Variants in RFX1 observed in about 807,000 individuals in gnomAD.
RFX1 encodes the protein MHC class II regulatory factor RFX1.
RFX1 carries 42 observed loss-of-function variants against 119.6 expected under a neutral mutation model. The observed-to-expected ratio is 0.35, with a 90% CI of 0.27 to 0.45. The LOEUF (loss-of-function observed/expected upper bound fraction) is 0.45. RFX1 is among the 20% of genes least tolerant of loss of function. The pLI, the probability that RFX1 is intolerant of heterozygous loss-of-function variation, is 1.00. For missense variants in RFX1, 1,118 were observed against 1,368.1 expected, an observed-to-expected ratio of 0.82 and a Z score of 2.88; for synonymous variants, 628 against 618.5, an observed-to-expected ratio of 1.02 and a Z score of -0.23.
Position 13,990,274 on chromosome 19 carries a change from G to A in RFX1, c.319+3251C>T, listed in dbSNP as rs529655577. On this transcript the variant is annotated intron_variant, in intron 2 of 20. Coordinates refer to ENST00000254325, the MANE Select transcript of RFX1 (RefSeq NM_002918.5). This position sits in a 1 kb window ranked among gnomAD's most constrained non-coding sequence, Gnocchi z 4.1. ...GCAGAGAGGACCACGGAGGGGCTGC[G>A]GGCGGTGGGCGGAGACCAGGGCAGT... is the stretch of plus-strand genomic sequence containing the variant. Among the ~76,000 whole-genome samples the A allele has an allele frequency of 6.3e-4, 96 of 152,248 alleles. No individual in the cohort carries two copies. The highest frequency in any genetic ancestry group is 9.4e-4 in the Non-Finnish European group (64 of 68,024).
chr19:13,993,161 G>A (rs536328392), intron 2 of RFX1, among the ~76,000 whole-genome samples: 1 of 152,214 alleles, frequency 6.6e-6, no homozygotes, highest in South Asian at 2.1e-4. Flanking sequence ...CAGGCATGGT[G>A]GTGGGCACCT....
chr19:14,006,450 C>A (rs1210324521), upstream of RFX1: 1 of 152,218 alleles, frequency 6.6e-6, no homozygotes, highest in Non-Finnish European at 1.5e-5. Context: ...CTTTTCAACA[C>A]CCTCTGGACT....
chr19:13,987,595 C>T lies in RFX1; in HGVS notation c.320-4000G>A, dbSNP rs182420901. On this transcript the variant is annotated intron_variant, in intron 2 of 20. Coordinates refer to ENST00000254325, the MANE Select transcript of RFX1 (RefSeq NM_002918.5). ...CCGGCCACCCTTAGATGAGGAAGGA[C>T]GCTAACCTGGCAGAGGGTCAGGGAG... Among the ~76,000 whole-genome samples, 20 of 152,182 alleles carry T rather than the reference C, an allele frequency of 1.3e-4. No individual in the cohort carries two copies. The East Asian group carries it at 2.9e-3, about 22-fold the overall frequency.
intron 5 of RFX1, among the ~76,000 whole-genome samples, chr19:13,981,660 A>G (rs1974433616): frequency 6.6e-6 from 1 of 152,216 alleles, no homozygotes; most frequent in Non-Finnish European, 1.5e-5. Context: ...TGGCTGGGCC[A>G]GCCATCTGAC....
chr19:13,977,439 T>C (rs904015069), intron 8 of RFX1, among the ~76,000 whole-genome samples: 2 of 151,690 alleles, frequency 1.3e-5, no homozygotes, highest in Admixed American at 1.3e-4. Flanking sequence ...TTTTTTGAGA[T>C]GGAGTGTCAC....
In RFX1 at chr19:13,966,722, C is replaced by G; in HGVS notation, c.1762G>C (p.Glu588Gln). 6.2e-7 allele frequency: 1 copy of G among 1,610,776 alleles called. No individual in the cohort carries two copies. Residue 588 changes from glutamate (E) to glutamine (Q), a missense_variant, in exon 13 of 21, where the codon GAG becomes CAG. By Grantham distance (29) the Glu-to-Gln change is conservative. This residue lies in a region of RFX1 where 338 missense variants were observed against 508.9 expected (regional missense o/e 0.66). Transcript: ENST00000254325. The surrounding 1 kb of genome is among the most constrained non-coding windows in gnomAD (Gnocchi z 6.3). ...DASRSLPDFT[E>Q]LDLQGKVLPE... ...AGCACCTTGCCCTGGAGGTCGAGCT[C>G]TGTGAAGTCAGGGAGGCTCCGAGAG... is the stretch of plus-strand genomic sequence containing the variant.
At position 13,985,838 on chromosome 19, in the gene RFX1, G is replaced by GC. The variant is rs1490206563; in HGVS notation, c.320-2244dup. On this transcript the variant is annotated intron_variant, in intron 2 of 20. Transcript: ENST00000254325. This position sits in a 1 kb window ranked among gnomAD's most constrained non-coding sequence, Gnocchi z 4.3. ...AGGGCTATTCAGGGCAGATGCAAAG[G>GC]CCAAGTCAAGGGCAGAGCGCAGGAG... Among the ~76,000 whole-genome samples the GC allele has an allele frequency of 2.6e-5, 4 of 152,174 alleles. No individual in the cohort carries two copies. Among genetic ancestry groups the GC allele is most frequent in the Non-Finnish European group, 4.4e-5 (3 of 68,034 alleles).
At chr19:13,973,756 A>G (rs1228311601) in intron 8 of RFX1, among the ~76,000 whole-genome samples, 1 of 152,100 alleles carries the variant, frequency 6.6e-6, no homozygotes, top group Non-Finnish European at 1.5e-5. Flanking sequence ...TCAGCCTCCC[A>G]AGGAGCTGGG....
In RFX1 at chr19:13,986,009, G is replaced by C. The variant is rs1462783916; in HGVS notation, c.320-2414C>G. Among the ~76,000 whole-genome samples, 1 of 152,198 alleles carries C rather than the reference G, an allele frequency of 6.6e-6. No homozygotes were observed. The highest frequency in any genetic ancestry group is 2.4e-5 in the African/African-American group (1 of 41,444). ...GCCAATTCCACAGGCCCTAATCCCT[G>C]TGTTTTGCTGGAATCTTCCCTGGCA... On this transcript the variant is annotated intron_variant, in intron 2 of 20. Coordinates refer to ENST00000254325, the MANE Select transcript of RFX1 (RefSeq NM_002918.5). The surrounding 1 kb of genome is among the most constrained non-coding windows in gnomAD (Gnocchi z 4.2).
At chr19:13,999,838 GC>G (rs1049292246) in intron 1 of RFX1, among the ~76,000 whole-genome samples, 1 of 152,068 alleles carries the variant, frequency 6.6e-6, no homozygotes, top group African/African-American at 2.4e-5. Flanking sequence ...ACCATGCCTG[GC>G]TAGCTTTTGT....
At chr19:13,994,923 T>A (rs10419019) in intron 1 of RFX1, among the ~76,000 whole-genome samples, 1 of 120,762 alleles carries the variant, frequency 8.3e-6, no homozygotes, top group African/African-American at 3.5e-5. Flanking sequence ...TATATATATA[T>A]ATATATATAT....
chr19:13,975,272 G>T (rs554360791), intron 8 of RFX1, among the ~76,000 whole-genome samples: 1 of 151,582 alleles, frequency 6.6e-6, no homozygotes, highest in Non-Finnish European at 1.5e-5. Context: ...CAGGAGAATC[G>T]CAGGAGAACC....
In RFX1 at chr19:13,963,066, T is replaced by G. The variant is rs765093401; in HGVS notation, c.2725-27A>C. 3.8e-6 allele frequency: 6 copies of G among 1,589,928 alleles called. No homozygotes were observed. In the African/African-American group the frequency reaches 8.1e-5, roughly 21 times the overall value. On this transcript the variant is annotated intron_variant, in intron 19 of 20. Transcript: ENST00000254325. ...TGGAGGAAGAAGAGAAGAAAATGGG[T>G]GAGGGTCCCGCCGCCTGGCGCCCCG...
rs577198126 is a variant in RFX1 at position 13,980,156 on chromosome 19, T to C, written c.738+417A>G. On this transcript the variant is annotated intron_variant, in intron 6 of 20. Coordinates refer to ENST00000254325, the MANE Select transcript of RFX1 (RefSeq NM_002918.5). This position sits in a 1 kb window ranked among gnomAD's most constrained non-coding sequence, Gnocchi z 5.1. ...CAGATGGTGCGCAGCCCCAGCATCT[T>C]AACCTGCGCCGGCTCAGGGCTCTGC... Among the ~76,000 whole-genome samples the C allele has an allele frequency of 6.6e-6, 1 of 152,256 alleles. No individual in the cohort carries two copies. Among genetic ancestry groups the C allele is most frequent in the South Asian group, 2.1e-4 (1 of 4,828 alleles).
At position 13,963,531 on chromosome 19, in the gene RFX1, C is replaced by T. The variant is rs1219538281; in HGVS notation, c.2570+7G>A. On this transcript the variant is annotated splice_region_variant and intron_variant, in intron 18 of 20. Coordinates refer to ENST00000254325, the MANE Select transcript of RFX1 (RefSeq NM_002918.5). ...GCCGCCCGGACCCGATCCCGCCGCGCGCGCACCTGTAGAAGGACCACTTGA... is the reference window on the plus strand; with the variant it reads ...GCCGCCCGGACCCGATCCCGCCGCGTGCGCACCTGTAGAAGGACCACTTGA... The T allele has an allele frequency of 1.2e-6, 2 of 1,601,572 alleles. No homozygotes were observed. The highest frequency in any genetic ancestry group is 1.7e-6 in the Non-Finnish European group (2 of 1,178,276).
In RFX1 at chr19:13,963,119, C is replaced by T; in HGVS notation, c.2724+3G>A. 6.2e-7 allele frequency: 1 copy of T among 1,610,854 alleles called. No individual in the cohort carries two copies. The highest frequency in any genetic ancestry group is 2.2e-5 in the East Asian group (1 of 44,728). ...CGCGCCCCCAGTGGCCCGCCTCGCG[C>T]ACCTCGCCCATGACGGCGATGGGGG... On this transcript the variant is annotated splice_donor_region_variant and intron_variant, in intron 19 of 20. Transcript: ENST00000254325.
chr19:13,973,218 G>A (rs1279803909), intron 8 of RFX1, 91 bp from the exon 9 acceptor site: 13 of 868,818 alleles, frequency 1.5e-5, no homozygotes, highest in Non-Finnish European at 2.0e-5. Flanking sequence ...GTCCTAGGAG[G>A]GGACTGGGGA....
At chr19:13,979,607 T>G (rs1360259412) in intron 6 of RFX1, 65 bp from the exon 7 acceptor site, 86 of 1,155,038 alleles carry the variant, frequency 7.4e-5, no homozygotes, top group Non-Finnish European at 6.2e-6. Flanking sequence ...ACCCAGCCCC[T>G]GCACAGGTGA....
At chr19:13,974,117 T>C (rs529541081) in intron 8 of RFX1, among the ~76,000 whole-genome samples, 97 of 151,740 alleles carry the variant, frequency 6.4e-4, no homozygotes, top group Non-Finnish European at 1.0e-3. Flanking sequence ...CCCGGAACCG[T>C]CTAGTTGGGG....
Sources: allele counts gnomAD v4.1 joint callset (sites outside exome capture counted in the v4.1 genomes callset), GRCh38; gene constraint gnomAD v4.1.1; regional missense constraint gnomAD v4.1.1; non-coding constraint Gnocchi (gnomAD v3.1); transcripts MANE v1.5; gene names NCBI Gene and HGNC (gene_info 2026-07-23, HGNC 2026-07-21).